Variants in STXBP5L observed in about 807,000 individuals in gnomAD.
STXBP5L encodes the protein syntaxin binding protein 5L.
In STXBP5L, 65 loss-of-function variants were observed where a neutral mutation model predicts 144.5. That is an observed-to-expected ratio of 0.45 (90% CI 0.37 to 0.55). The LOEUF is 0.55. Among genes scored for constraint, STXBP5L ranks in the 20% least tolerant of loss-of-function variants. The pLI is 0.00. For missense variants in STXBP5L, 1,298 were observed against 1,405.5 expected (o/e 0.92, Z 1.22); for synonymous variants, 505 against 469.6 (o/e 1.08, Z -0.97).
intron 7 of STXBP5L, among the ~76,000 whole-genome samples, chr3:121,127,780 G>C (rs977455574): frequency 3.3e-5 from 5 of 151,930 alleles, no homozygotes; most frequent in Non-Finnish European, 5.9e-5. Context: ...AGATAAGCCT[G>C]AGAATATTGT....
At chr3:121,169,672 T>C (rs1032934098) in intron 9 of STXBP5L, among the ~76,000 whole-genome samples, 11 of 152,068 alleles carry the variant, frequency 7.2e-5, no homozygotes, top group Non-Finnish European at 1.3e-4. Context: ...ATGCAACCAA[T>C]ACAGGAGCAC....
chr3:121,365,058 G>A (rs1223004390), intron 20 of STXBP5L, among the ~76,000 whole-genome samples: 1 of 151,552 alleles, frequency 6.6e-6, no homozygotes, highest in Non-Finnish European at 1.5e-5. Flanking sequence ...TTAATATATT[G>A]CAATGATTAA....
chr3:121,048,952 C>T (rs557842802), intron 5 of STXBP5L, among the ~76,000 whole-genome samples: 1 of 152,266 alleles, frequency 6.6e-6, no homozygotes, highest in Admixed American at 6.5e-5. Context: ...TCCCCAACCA[C>T]TATATGTCCT....
At chr3:121,305,849 G>C (rs923665170) in intron 19 of STXBP5L, among the ~76,000 whole-genome samples, 15 of 152,064 alleles carry the variant, frequency 9.9e-5, no homozygotes, top group African/African-American at 3.6e-4. Flanking sequence ...ATTTAAAACT[G>C]TCTTTACTTG....
chr3:121,418,958 T>C (rs1183252190), intron 26 of STXBP5L, 98 bp from the exon 27 acceptor site: 2 of 1,275,822 alleles, frequency 1.6e-6, no homozygotes, highest in African/African-American at 3.0e-5. Flanking sequence ...GATTATAAGT[T>C]TTGAGATAGA....
At chr3:120,967,635 C>T (rs985590894) in intron 3 of STXBP5L, among the ~76,000 whole-genome samples, 1 of 151,918 alleles carries the variant, frequency 6.6e-6, no homozygotes, top group Non-Finnish European at 1.5e-5. Flanking sequence ...TTTCCTTCTA[C>T]TAATTTTGGG....
In STXBP5L at chr3:121,410,393, TATG is replaced by T. The variant is rs1252424108; in HGVS notation, c.2949-2762_2949-2760del. Among the ~76,000 whole-genome samples, 21 of 152,152 alleles carry T rather than the reference TATG, an allele frequency of 1.4e-4. No homozygotes were observed. In the East Asian group the frequency reaches 3.7e-3, roughly 27 times the overall value. On this transcript the variant is annotated intron_variant, in intron 23 of 26. Transcript: ENST00000471454. ...ATAACTGAAAAGGAAATAATTTTGA[TATG>T]ATTTTAATAATACATATACATAAAG... is the stretch of plus-strand genomic sequence containing the variant.
At chr3:121,185,198 C>A (rs564466899) in intron 9 of STXBP5L, among the ~76,000 whole-genome samples, 2 of 152,270 alleles carry the variant, frequency 1.3e-5, no homozygotes, top group East Asian at 1.9e-4. Context: ...TAGATATTAG[C>A]CCTTTGTCAG....
At chr3:121,367,356 G>A (rs945408993) in intron 20 of STXBP5L, among the ~76,000 whole-genome samples, 4 of 151,988 alleles carry the variant, frequency 2.6e-5, no homozygotes, top group African/African-American at 9.7e-5. Context: ...TGTTTATCTG[G>A]TAATATTTTA....
At chr3:121,331,584 G>A (rs566427421) in intron 20 of STXBP5L, among the ~76,000 whole-genome samples, 1 of 152,222 alleles carries the variant, frequency 6.6e-6, no homozygotes, top group South Asian at 2.1e-4. Context: ...TTTCCTTCTG[G>A]TCTGGCAGAG....
chr3:121,074,488 C>T (rs536578099), intron 5 of STXBP5L, among the ~76,000 whole-genome samples: 35 of 152,272 alleles, frequency 2.3e-4, no homozygotes, highest in Middle Eastern at 3.4e-3. Context: ...TGGGTGGCTT[C>T]TGCTGGGATG....
chr3:121,338,108 T>C (rs945225146), intron 20 of STXBP5L, among the ~76,000 whole-genome samples: 4 of 151,888 alleles, frequency 2.6e-5, no homozygotes, highest in Admixed American at 2.6e-4. Context: ...AAGTCTGAAA[T>C]GAAACAAATT....
chr3:120,979,043 C>G (rs1282680507), intron 3 of STXBP5L, among the ~76,000 whole-genome samples: 6 of 152,330 alleles, frequency 3.9e-5, no homozygotes, highest in Admixed American at 3.9e-4. Flanking sequence ...AGATCTCCAG[C>G]TGCATGCTCG....
intron 20 of STXBP5L, among the ~76,000 whole-genome samples, chr3:121,359,306 AT>A (rs1441650402): frequency 6.6e-6 from 1 of 152,072 alleles, no homozygotes; most frequent in South Asian, 2.1e-4. Flanking sequence ...AGATTATTAG[AT>A]TTTTTTCATA....
chr3:121,342,453 C>T (rs1009843256), intron 20 of STXBP5L, among the ~76,000 whole-genome samples: 3 of 151,118 alleles, frequency 2.0e-5, no homozygotes, highest in Non-Finnish European at 4.4e-5. Flanking sequence ...CCCATTAACT[C>T]GTCATTTAGC....
At chr3:121,085,488 C>A (rs1447450373) in intron 5 of STXBP5L, among the ~76,000 whole-genome samples, 2 of 152,108 alleles carry the variant, frequency 1.3e-5, no homozygotes, top group East Asian at 3.8e-4. Context: ...GAGAAGGTTA[C>A]AAAATAAATG....
At chr3:121,169,729 C>A (rs1293260089) in intron 9 of STXBP5L, among the ~76,000 whole-genome samples, 4 of 152,066 alleles carry the variant, frequency 2.6e-5, no homozygotes, top group Non-Finnish European at 5.9e-5. Context: ...AAGACTTAGG[C>A]CCCACACAAT....
chr3:121,382,638 G>C (rs1480111555), intron 22 of STXBP5L, among the ~76,000 whole-genome samples: 1 of 152,014 alleles, frequency 6.6e-6, no homozygotes, highest in Admixed American at 6.6e-5. Context: ...GGTACAGTCA[G>C]CTTCCACTGT....
chr3:121,009,628 T>C (rs1944620899), intron 3 of STXBP5L, among the ~76,000 whole-genome samples: 1 of 152,000 alleles, frequency 6.6e-6, no homozygotes, highest in Admixed American at 6.6e-5. Flanking sequence ...TACATGTTCA[T>C]AGCTATGAGC....
Sources: allele counts gnomAD v4.1 joint callset (sites outside exome capture counted in the v4.1 genomes callset), GRCh38; gene constraint gnomAD v4.1.1; transcripts MANE v1.5; gene names NCBI Gene and HGNC (gene_info 2026-07-23, HGNC 2026-07-21).